AXDND1: variants seen among roughly 807,000 people sequenced by gnomAD.
AXDND1 encodes axonemal dynein light chain domain-containing protein 1.
AXDND1 carries 110 observed loss-of-function variants against 137.5 expected under a neutral mutation model. That is an observed-to-expected ratio of 0.80 (90% confidence interval 0.69 to 0.94). The LOEUF (loss-of-function observed/expected upper bound fraction) is 0.94. Ranked by LOEUF, AXDND1 falls within the 40% of genes least tolerant of loss-of-function variation. The probability of loss-of-function intolerance (pLI) is 0.00; values close to 1 mark genes in which losing one functional copy is unlikely to be tolerated. For synonymous variants in AXDND1, 414 were observed against 399.7 expected, an observed-to-expected ratio of 1.04 and a Z score of -0.43; for missense variants, 1,191 against 1,169.8, an observed-to-expected ratio of 1.02 and a Z score of -0.26.
chr1:179,442,255 T>C (rs140684309), intron 15 of AXDND1, among the ~76,000 whole-genome samples: 14 of 152,350 alleles, frequency 9.2e-5, no homozygotes, highest in African/African-American at 3.1e-4. Context: ...CTCCTGTTTT[T>C]ATTTTCAATT....
intron 17 of AXDND1, among the ~76,000 whole-genome samples, chr1:179,477,480 G>C (rs978535837): frequency 5.3e-5 from 8 of 152,106 alleles, no homozygotes; most frequent in Non-Finnish European, 8.8e-5. Context: ...AAGAGAATGA[G>C]AGCCAAGTGA....
At chr1:179,541,668 T>G (rs975517501) in intron 25 of AXDND1, among the ~76,000 whole-genome samples, 1 of 138,024 alleles carries the variant, frequency 7.2e-6, no homozygotes, top group Non-Finnish European at 1.7e-5. Context: ...TGCATGATAA[T>G]ATGCATAATA....
intron 3 of AXDND1, 85 bp from the exon 4 acceptor site, chr1:179,369,890 A>G: frequency 9.9e-7 from 1 of 1,010,080 alleles, no homozygotes; most frequent in South Asian, 1.5e-5. Context: ...TAATGTAAAT[A>G]CAGTACTTAC....
At chr1:179,434,519 T>G (rs1460812855) in intron 15 of AXDND1, among the ~76,000 whole-genome samples, 1 of 152,198 alleles carries the variant, frequency 6.6e-6, no homozygotes, top group Non-Finnish European at 1.5e-5. Context: ...CAAGTCGGCT[T>G]TATCCCTGGG....
intron 20 of AXDND1, among the ~76,000 whole-genome samples, chr1:179,493,748 T>C (rs986740175): frequency 2.6e-5 from 4 of 152,180 alleles, no homozygotes; most frequent in African/African-American, 9.7e-5. Context: ...AAGATAAATG[T>C]TTGAGGTGAT....
chr1:179,471,916 A>G (rs568478772), intron 17 of AXDND1, among the ~76,000 whole-genome samples: 5 of 149,310 alleles, frequency 3.3e-5, no homozygotes, highest in Middle Eastern at 3.4e-3. Flanking sequence ...TTTTTTTGAG[A>G]TGGAGTCTCG....
intron 23 of AXDND1, among the ~76,000 whole-genome samples, chr1:179,532,409 C>T (rs1314937018): frequency 2.0e-5 from 3 of 152,136 alleles, no homozygotes; most frequent in African/African-American, 7.2e-5. Flanking sequence ...GAAACCCTTT[C>T]TTTTAAAAGA....
At chr1:179,406,273 A>AAT (rs1652951966) in intron 11 of AXDND1, among the ~76,000 whole-genome samples, 1 of 152,176 alleles carries the variant, frequency 6.6e-6, no homozygotes, top group South Asian at 2.1e-4. Flanking sequence ...TTTGTGGCCT[A>AAT]ATATATGGTC....
chr1:179,429,409 T>G, intron 12 of AXDND1, 109 bp from the exon 13 acceptor site: 1 of 511,094 alleles, frequency 2.0e-6, no homozygotes, highest in South Asian at 4.9e-5. Flanking sequence ...ACGAGAAATT[T>G]TAGTTGAGTT....
chr1:179,465,931 A>G (rs950497539), intron 16 of AXDND1, among the ~76,000 whole-genome samples: 2 of 152,150 alleles, frequency 1.3e-5, no homozygotes, highest in African/African-American at 4.8e-5. Context: ...CAGGCGCGGG[A>G]TATAATCTCC....
intron 6 of AXDND1, 74 bp from the exon 7 acceptor site, chr1:179,382,626 G>A (rs1571568314): frequency 2.9e-6 from 3 of 1,022,450 alleles, no homozygotes; most frequent in African/African-American, 1.6e-5. Context: ...AGATTCTGGG[G>A]GTTAGTTGTG....
intron 16 of AXDND1, chr1:179,455,180 C>G (rs747535174): frequency 6.8e-6 from 1 of 145,998 alleles, no homozygotes; most frequent in Non-Finnish European, 1.5e-5. Flanking sequence ...GAGGCTGAGG[C>G]GGGAGAATCG....
At chr1:179,399,015 T>C (rs12751260) in intron 11 of AXDND1, among the ~76,000 whole-genome samples, 44,282 of 152,038 alleles carry the variant, frequency 0.29, 6,655 homozygotes, top group Non-Finnish European at 0.31. Flanking sequence ...GGGGCATTGC[T>C]GTGGGCCTGG....
chr1:179,452,169 A>G (rs888745472), intron 16 of AXDND1: 1 of 153,058 alleles, frequency 6.5e-6, no homozygotes, highest in Non-Finnish European at 1.5e-5. Context: ...ACTGGAGCAA[A>G]GGTGACTCTT....
At chr1:179,418,662 G>A (rs559203141) in intron 12 of AXDND1, among the ~76,000 whole-genome samples, 80 of 142,478 alleles carry the variant, frequency 5.6e-4, no homozygotes, top group African/African-American at 1.9e-3. Context: ...CTGGCCGGGT[G>A]GGGGGCCGAC....
At chr1:179,390,451 G>T (rs1322781079) in intron 9 of AXDND1, among the ~76,000 whole-genome samples, 1 of 152,120 alleles carries the variant, frequency 6.6e-6, no homozygotes, top group East Asian at 1.9e-4. Flanking sequence ...ATTTTTGTTT[G>T]TGTTTAAATA....
At chr1:179,389,420 G>C (rs1649768269) in intron 9 of AXDND1, among the ~76,000 whole-genome samples, 1 of 152,110 alleles carries the variant, frequency 6.6e-6, no homozygotes, top group Non-Finnish European at 1.5e-5. Context: ...ATATTTCACT[G>C]ACCTTGGCCA....
At chr1:179,463,949 G>T (rs563460396) in intron 16 of AXDND1, among the ~76,000 whole-genome samples, 18 of 151,462 alleles carry the variant, frequency 1.2e-4, no homozygotes, top group African/African-American at 4.4e-4. Flanking sequence ...AACCTCTGCT[G>T]TTTTTTTTCC....
chr1:179,468,739 C>T (rs1663550470), intron 17 of AXDND1, 98 bp downstream of exon 17: 1 of 942,772 alleles, frequency 1.1e-6, no homozygotes, highest in Non-Finnish European at 1.5e-6. Flanking sequence ...GTGTACAATT[C>T]TGTGGTGTTC....
Sources: allele counts gnomAD v4.1 joint callset (sites outside exome capture counted in the v4.1 genomes callset), GRCh38; gene constraint gnomAD v4.1.1; transcripts MANE v1.5; gene names NCBI Gene and HGNC (gene_info 2026-07-23, HGNC 2026-07-21).